The following MAP3K13 variants were observed in gnomAD, a reference collection of about 807,000 sequenced individuals.
The protein encoded by MAP3K13 is mitogen-activated protein kinase kinase kinase 13.
Under a neutral mutation model 104.0 loss-of-function variants are expected in MAP3K13, and 52 were observed. The ratio of observed to expected loss-of-function variants is 0.50; its 90% CI spans 0.40 to 0.63. The LOEUF (loss-of-function observed/expected upper bound fraction) is 0.63, where lower values mean the gene tolerates loss of function less well. Among genes scored for constraint, MAP3K13 ranks in the 20% least tolerant of loss-of-function variants. MAP3K13 has a pLI of 0.00. For missense variants in MAP3K13, 914 were observed against 1,218.5 expected, an observed-to-expected ratio of 0.75 and a Z score of 3.72; for synonymous variants, 394 against 442.2, an observed-to-expected ratio of 0.89 and a Z score of 1.37.
In MAP3K13 at chr3:185,381,416, T is replaced by A. The variant is rs575353119; in HGVS notation, c.-86+18048T>A. Among the ~76,000 whole-genome samples, 12 of 152,382 alleles carry A rather than the reference T, an allele frequency of 7.9e-5. No homozygotes were observed. The East Asian group carries it at 2.1e-3, about 27-fold the overall frequency. On this transcript the variant is annotated intron_variant, in intron 1 of 13. Transcript: ENST00000265026. ...AAATTCACCTAGTGGCTAGAATCTA[T>A]TTTTAACTCCCAAATCAATACTCCT...
At chr3:185,471,184 T>G (rs754211813) in intron 10 of MAP3K13, among the ~76,000 whole-genome samples, 15 of 152,212 alleles carry the variant, frequency 9.9e-5, no homozygotes, top group Non-Finnish European at 1.3e-4. Context: ...TTTCTGCTAA[T>G]GTTTTGGCTA....
chr3:185,372,154 T>A (rs145619873), intron 1 of MAP3K13, among the ~76,000 whole-genome samples: 18 of 152,366 alleles, frequency 1.2e-4, no homozygotes, highest in African/African-American at 3.8e-4. Context: ...TACCTTTGGA[T>A]ATTTCCAGCC....
intron 1 of MAP3K13, 28 bp from the exon 2 acceptor site, chr3:185,428,469 T>C (rs746703287): frequency 7.2e-7 from 1 of 1,393,018 alleles, no homozygotes; most frequent in Non-Finnish European, 9.6e-7. Context: ...GAAAGGATGA[T>C]CTCTTATCTC....
rs1205374450 is a variant in MAP3K13, at chr3:185,293,757, A to C, written c.-86+8114A>C. Among the ~76,000 whole-genome samples the C allele has an allele frequency of 2.0e-5, 3 of 152,242 alleles. No homozygotes were observed. In the East Asian group the frequency reaches 5.8e-4, roughly 29 times the overall value. ...GCTGTTCTTGGAGTACCATTTTGGC[A>C]CTAATGCCTTCCTACACATTTGGAT... On this transcript the variant is annotated intron_variant, in intron 2 of 14. Coordinates refer to the MAP3K13 transcript ENST00000424227.
intron 2 of MAP3K13, among the ~76,000 whole-genome samples, chr3:185,324,669 A>G (rs1285944399): frequency 6.6e-6 from 1 of 152,006 alleles, no homozygotes; most frequent in Non-Finnish European, 1.5e-5. Context: ...TATATCTCCT[A>G]TTTTGAGACA....
rs899868919 is a variant in MAP3K13 at position 185,483,593 on chromosome 3, T to C, written c.*1137T>C. On this transcript the variant is annotated 3_prime_UTR_variant, in exon 14 of 14. Transcript: ENST00000265026. ...AGGTTGCTTGTCTACTTGAGTCATA[T>C]TGATTCAAGCAGGAGAACAGACTTT... 8 of 220,414 alleles carry C rather than the reference T, an allele frequency of 3.6e-5. No homozygotes were observed. The highest frequency in any genetic ancestry group is 7.3e-5 in the Non-Finnish European group (8 of 110,138). 13.7% of individuals were successfully genotyped at this position (220,414 alleles called of 1,614,324 possible).
chr3:185,455,352 T>TATATATGAG (rs1716469764), intron 7 of MAP3K13, among the ~76,000 whole-genome samples: 3 of 34,192 alleles, frequency 8.8e-5, no homozygotes, highest in Non-Finnish European at 1.2e-4. Flanking sequence ...ATATATATGA[T>TATATATGAG]ATATATATGA....
rs185283612 is a variant in MAP3K13 at position 185,373,743 on chromosome 3, A to G, written c.-86+10375A>G. 2.6e-5 allele frequency among the ~76,000 whole-genome samples: 4 copies of G among 152,082 alleles called. No homozygotes were observed. The East Asian group carries it at 5.8e-4, about 22-fold the overall frequency. Reference sequence around the variant, plus strand: ...CTTTTTTTTCTATTTCTGTTTCTCAATTCCCATCCATATTGCCCTACCCCT... The same window carrying G: ...CTTTTTTTTCTATTTCTGTTTCTCAGTTCCCATCCATATTGCCCTACCCCT... On this transcript the variant is annotated intron_variant, in intron 1 of 13. Transcript: ENST00000265026.
At chr3:185,413,787 A>G (rs758365839) in intron 1 of MAP3K13, among the ~76,000 whole-genome samples, 84 of 152,182 alleles carry the variant, frequency 5.5e-4, no homozygotes, top group Non-Finnish European at 8.1e-4. Context: ...GTGCCACTGC[A>G]CTCCAGCCTG....
intron 2 of MAP3K13, among the ~76,000 whole-genome samples, chr3:185,356,547 T>C (rs1577458334): frequency 6.6e-6 from 1 of 152,190 alleles, no homozygotes; most frequent in African/African-American, 2.4e-5. Flanking sequence ...CTGCCCGATA[T>C]ATGGATGGAG....
intron 4 of MAP3K13, among the ~76,000 whole-genome samples, chr3:185,444,703 AT>A (rs1715505164): frequency 6.6e-6 from 1 of 152,238 alleles, no homozygotes; most frequent in African/African-American, 2.4e-5. Flanking sequence ...TATAACTCCT[AT>A]TTTTAAACAT....
In MAP3K13 at chr3:185,482,457, T is replaced by C. The variant is rs1205483115; in HGVS notation, c.*1T>C. ...ACACTACAGCTCTGCTACCTGGTAA[T>C]GAAGGAATACACATCCTGAAGATCT... On this transcript the variant is annotated 3_prime_UTR_variant, in exon 14 of 14. Transcript: ENST00000265026. The surrounding 1 kb of genome is among the most constrained non-coding windows in gnomAD (Gnocchi z 4.5). 2.5e-6 allele frequency: 4 copies of C among 1,606,698 alleles called. No individual in the cohort carries two copies. In the African/African-American group the frequency reaches 4.0e-5, roughly 16 times the overall value.
chr3:185,366,592 A>T (rs1723898817), intron 1 of MAP3K13, among the ~76,000 whole-genome samples: 1 of 152,188 alleles, frequency 6.6e-6, no homozygotes, highest in African/African-American at 2.4e-5. Flanking sequence ...ATCCTCTTCA[A>T]CACTTGTTAT....
At chr3:185,440,086 T>C (rs1715243656) in intron 3 of MAP3K13, among the ~76,000 whole-genome samples, 1 of 152,164 alleles carries the variant, frequency 6.6e-6, no homozygotes, top group African/African-American at 2.4e-5. Flanking sequence ...AAAAACCACA[T>C]ACAGAAGGGG....
At chr3:185,310,012 C>T (rs1221227904) in intron 2 of MAP3K13, among the ~76,000 whole-genome samples, 1 of 152,152 alleles carries the variant, frequency 6.6e-6, no homozygotes, top group East Asian at 1.9e-4. Context: ...TAGCCTACTG[C>T]TGAGGGAGGG....
chr3:185,356,498 G>T (rs1723357054), intron 2 of MAP3K13, among the ~76,000 whole-genome samples: 1 of 152,146 alleles, frequency 6.6e-6, no homozygotes, highest in South Asian at 2.1e-4. Flanking sequence ...CCTTTTTCAG[G>T]AATCTGTCTT....
upstream of MAP3K13, among the ~76,000 whole-genome samples, chr3:185,362,231 G>C (rs1052857136): frequency 6.6e-6 from 1 of 152,212 alleles, no homozygotes; most frequent in South Asian, 2.1e-4. Context: ...TCATTGTGAA[G>C]TGTAGTGATG....
chr3:185,345,916 A>G (rs751706170), intron 2 of MAP3K13, among the ~76,000 whole-genome samples: 4 of 151,534 alleles, frequency 2.6e-5, no homozygotes, highest in Non-Finnish European at 5.9e-5. Flanking sequence ...AACTGCTGAC[A>G]TAGTGTATTA....
intron 2 of MAP3K13, among the ~76,000 whole-genome samples, chr3:185,296,941 G>A (rs1391665408): frequency 6.6e-6 from 1 of 152,152 alleles, no homozygotes. Context: ...ATTAAAGTGG[G>A]TAAAGTTAAT....
Sources: allele counts gnomAD v4.1 joint callset (sites outside exome capture counted in the v4.1 genomes callset), GRCh38; gene constraint gnomAD v4.1.1; non-coding constraint Gnocchi (gnomAD v3.1); transcripts MANE v1.5; gene names NCBI Gene and HGNC (gene_info 2026-07-23, HGNC 2026-07-21).